The following STPG1 variants were observed in gnomAD, a reference collection of about 807,000 sequenced individuals.
STPG1 encodes the protein O(6)-methylguanine-induced apoptosis 2.
Under a neutral mutation model 40.1 loss-of-function variants are expected in STPG1, and 33 were observed. The ratio of observed to expected loss-of-function variants is 0.82; its 90% CI spans 0.62 to 1.10. The LOEUF is 1.10. STPG1 is among the 50% of genes least tolerant of loss of function. The pLI, the probability that STPG1 is intolerant of heterozygous loss-of-function variation, is 0.00. For missense variants in STPG1, 396 were observed against 415.1 expected (o/e 0.95, Z 0.40); for synonymous variants, 150 against 155.0 (o/e 0.97, Z 0.24).
At chr1:24,361,745 C>T (rs1641134112) in intron 7 of STPG1, among the ~76,000 whole-genome samples, 1 of 152,172 alleles carries the variant, frequency 6.6e-6, no homozygotes, top group Non-Finnish European at 1.5e-5. Context: ...GAAAGGGAGT[C>T]TATCTTTTAT....
chr1:24,358,612 G>A lies in STPG1; in HGVS notation c.936C>T (p.Tyr312=), dbSNP rs745599379. ...ACTGCTTTCCTGGAAGCTCTGGCTT[G>A]TACGTAGCTGTGAGGGGACAGAGAG... ...PQPGLPGPAT[Y]KPELPGKQSF... Residue 312 remains tyrosine (Y), a synonymous_variant, in exon 9 of 9, where the codon TAC becomes TAT. Coordinates refer to ENST00000337248, the MANE Select transcript of STPG1 (RefSeq NM_001199013.2). 6.2e-7 allele frequency: 1 copy of A among 1,613,174 alleles called. No individual in the cohort carries two copies. Among genetic ancestry groups the A allele is most frequent in the Non-Finnish European group, 8.5e-7 (1 of 1,179,292 alleles).
chr1:24,403,230 A>T (rs1265017657), intron 1 of STPG1, among the ~76,000 whole-genome samples: 1 of 152,064 alleles, frequency 6.6e-6, no homozygotes, highest in East Asian at 1.9e-4. Context: ...CCCTTTTTTC[A>T]CTGAATTATC....
In STPG1 at chr1:24,360,908, C is replaced by T. The variant is rs909689321; in HGVS notation, c.871G>A (p.Val291Met). The T allele has an allele frequency of 2.9e-5, 47 of 1,613,626 alleles. No homozygotes were observed. In the Admixed American group the frequency reaches 3.3e-4, roughly 11 times the overall value. Residue 291 changes from valine to methionine, a missense_variant, in exon 8 of 9, where the codon GTG (valine) becomes ATG (methionine). Physicochemically the swap from Val to Met is conservative, Grantham distance 21. Coordinates refer to ENST00000337248, the MANE Select transcript of STPG1 (RefSeq NM_001199013.2). ...GCTGTCCACCGGCTGGTATTGGACA[C>T]GAATGATGCACTAGAGATGAAATGC... is the stretch of plus-strand genomic sequence containing the variant. ...RKHFISSASF[V>M]SNTSRWTAAP...
chr1:24,406,760 C>G (rs1304520553), intron 1 of STPG1, among the ~76,000 whole-genome samples: 1 of 152,014 alleles, frequency 6.6e-6, no homozygotes, highest in Non-Finnish European at 1.5e-5. Flanking sequence ...TATTTTGATT[C>G]CTCTGTCAGT....
chr1:24,392,289 G>A (rs1410701290), intron 2 of STPG1, among the ~76,000 whole-genome samples: 1 of 152,230 alleles, frequency 6.6e-6, no homozygotes, highest in African/African-American at 2.4e-5. Flanking sequence ...CATGTCTGAT[G>A]TATAAACTCC....
chr1:24,377,916 A>G (rs1203302810), intron 5 of STPG1, among the ~76,000 whole-genome samples: 1 of 152,226 alleles, frequency 6.6e-6, no homozygotes, highest in Non-Finnish European at 1.5e-5. Context: ...TATACTGGGA[A>G]CAAGATAATC....
chr1:24,370,228 G>T (rs182816736), intron 6 of STPG1, among the ~76,000 whole-genome samples: 2 of 152,064 alleles, frequency 1.3e-5, no homozygotes, highest in Admixed American at 1.3e-4. Flanking sequence ...TAATTCTTCT[G>T]ACAACAGAGT....
Position 24,410,534 on chromosome 1 carries a change from A to C in STPG1, c.-69+3140T>G, listed in dbSNP as rs546988958. 4.6e-5 allele frequency among the ~76,000 whole-genome samples: 7 copies of C among 152,306 alleles called. No homozygotes were observed. In the East Asian group the frequency reaches 1.4e-3, roughly 29 times the overall value. On this transcript the variant is annotated intron_variant, in intron 1 of 8. Coordinates refer to ENST00000337248, the MANE Select transcript of STPG1 (RefSeq NM_001199013.2). ...TGATGCAGGAGAATCGCTTGAACCC[A>C]GGAGGTGAAGATTGCAGTGAGCCAA...
At position 24,388,451 on chromosome 1, in the gene STPG1, G is replaced by A. The variant is rs187511797; in HGVS notation, c.189+3110C>T. Among the ~76,000 whole-genome samples the A allele has an allele frequency of 1.8e-3, 275 of 152,314 alleles. 1 individual carries two copies. The highest frequency in any genetic ancestry group is 0.017 in the South Asian group (82 of 4,826). On this transcript the variant is annotated intron_variant, in intron 3 of 8. Transcript: ENST00000337248. The stretch of plus-strand genomic sequence containing the variant: ...TCTAGCAGCCAAAATTGCCAGTCCC[G>A]ACACTGAGCTCTGTGAAGGATTCAC...
intron 5 of STPG1, among the ~76,000 whole-genome samples, chr1:24,374,258 T>G (rs1211598586): frequency 2.1e-5 from 1 of 48,570 alleles, no homozygotes; most frequent in Non-Finnish European, 3.7e-5. Context: ...TTTTTTTTTG[T>G]TTTTTTTTTT....
chr1:24,364,150 C>T (rs768212173), intron 7 of STPG1: 89 of 1,475,262 alleles, frequency 6.0e-5, no homozygotes, highest in Non-Finnish European at 7.8e-5. Context: ...CCTGCAAACT[C>T]GAATTCAATT....
intron 7 of STPG1, chr1:24,364,165 A>G: frequency 6.7e-7 from 1 of 1,487,378 alleles, no homozygotes; most frequent in Non-Finnish European, 9.0e-7. Flanking sequence ...TCAATTCTTG[A>G]CGTTCTCACT....
At chr1:24,367,879 T>C (rs1047832865) in intron 7 of STPG1, among the ~76,000 whole-genome samples, 1 of 152,202 alleles carries the variant, frequency 6.6e-6, no homozygotes, top group African/African-American at 2.4e-5. Flanking sequence ...ATAAGATCCT[T>C]ATCTCTACTT....
At chr1:24,364,941 T>G (rs1641359099) in intron 7 of STPG1, among the ~76,000 whole-genome samples, 1 of 152,116 alleles carries the variant, frequency 6.6e-6, no homozygotes, top group Non-Finnish European at 1.5e-5. Flanking sequence ...AGCAGGCCAC[T>G]TGGGGAAAGC....
chr1:24,362,199 A>G (rs1641168083), intron 7 of STPG1, among the ~76,000 whole-genome samples: 1 of 152,222 alleles, frequency 6.6e-6, no homozygotes, highest in Non-Finnish European at 1.5e-5. Flanking sequence ...TTTAGCCAAC[A>G]ACTTCTTAAA....
chr1:24,364,347 G>A lies in STPG1; in HGVS notation c.738-3306C>T, dbSNP rs769150587. ...CCAGCCCCACCACCGTCAACAGCCT[G>A]CACTTCACTGTAAACTCGGAATGAC... is the stretch of plus-strand genomic sequence containing the variant. On this transcript the variant is annotated intron_variant, in intron 7 of 8. Transcript: ENST00000337248. 6.5e-7 allele frequency: 1 copy of A among 1,546,420 alleles called. No homozygotes were observed. The highest frequency in any genetic ancestry group is 2.0e-5 in the Admixed American group (1 of 50,512).
At position 24,369,733 on chromosome 1, in the gene STPG1, C is replaced by T. The variant is rs781010933; in HGVS notation, c.678G>A (p.Pro226=). Residue 226 remains proline (P), a synonymous_variant, in exon 7 of 9, where the codon CCG becomes CCA. Coordinates refer to ENST00000337248, the MANE Select transcript of STPG1 (RefSeq NM_001199013.2). ...NRGLKLTSTG[P]GPGYYNPSDC... ...CACTGGGGTTGTAATAACCAGGTCCCGGGCCTGTTGACGTCAGTTTTAATC... is the reference window on the plus strand; with the variant it reads ...CACTGGGGTTGTAATAACCAGGTCCTGGGCCTGTTGACGTCAGTTTTAATC... 1.7e-5 allele frequency: 28 copies of T among 1,612,326 alleles called. No homozygotes were observed. The highest frequency in any genetic ancestry group is 3.3e-5 in the South Asian group (3 of 90,948).
chr1:24,374,030 G>A (rs1641885763), intron 5 of STPG1, among the ~76,000 whole-genome samples: 1 of 152,102 alleles, frequency 6.6e-6, no homozygotes, highest in African/African-American at 2.4e-5. Context: ...GAAAATGCTG[G>A]TCACTCAACA....
chr1:24,387,662 T>C (rs1642573654), intron 3 of STPG1, among the ~76,000 whole-genome samples: 1 of 152,162 alleles, frequency 6.6e-6, no homozygotes, highest in Non-Finnish European at 1.5e-5. Context: ...GGGGTTATTA[T>C]GGGGATTAAA....
Sources: gnomAD v4.1 joint callset for allele counts (sites outside exome capture counted in the v4.1 genomes callset) on GRCh38, gnomAD v4.1.1 for gene constraint, MANE v1.5 for transcripts, NCBI Gene and HGNC (gene_info 2026-07-23, HGNC 2026-07-21) for gene names.